Variants in ADCY5 observed in about 807,000 individuals in gnomAD.
ADCY5 encodes the protein adenylate cyclase type 5.
In ADCY5, 30 loss-of-function variants were observed where a neutral mutation model predicts 119.7. The observed-to-expected ratio is 0.25, with a 90% CI of 0.19 to 0.34. ADCY5 has a LOEUF of 0.34. ADCY5 is among the 10% of genes least tolerant of loss of function. ADCY5 has a pLI of 1.00. For missense variants in ADCY5, 1,324 were observed against 1,775.2 expected (o/e 0.75, Z 4.57); for synonymous variants, 753 against 762.2 (o/e 0.99, Z 0.20).
In ADCY5 at chr3:123,305,398, G is replaced by T. The variant is rs1253652109; in HGVS notation, c.2443-1215C>A. ...ACCACCATGTGACCACTTACTCCCA[G>T]TGGGGAGGGGAACTGGCTTGTGTGC... On this transcript the variant is annotated intron_variant, in intron 12 of 20. Transcript: ENST00000462833. 3.3e-5 allele frequency among the ~76,000 whole-genome samples: 5 copies of T among 152,328 alleles called. No individual in the cohort carries two copies. The East Asian group carries it at 7.7e-4, about 24-fold the overall frequency.
At chr3:123,308,241 G>T (rs1304650333) in intron 12 of ADCY5, among the ~76,000 whole-genome samples, 1 of 151,608 alleles carries the variant, frequency 6.6e-6, no homozygotes, top group African/African-American at 2.4e-5. Flanking sequence ...GTTTCACTGT[G>T]TTAGCCAGGA....
intron 6 of ADCY5, 32 bp downstream of exon 6, chr3:123,328,611 CG>C: frequency 6.2e-7 from 1 of 1,608,838 alleles, no homozygotes. Context: ...GAACCCAGGT[CG>C]GGGCCCCAAG....
At chr3:123,379,478 G>A (rs1943954784) in intron 1 of ADCY5, among the ~76,000 whole-genome samples, 2 of 152,174 alleles carry the variant, frequency 1.3e-5, no homozygotes, top group Admixed American at 6.5e-5. Flanking sequence ...CTCCCTGGGG[G>A]AGGAAAGCCT....
chr3:123,307,803 C>A (rs1940279667), intron 12 of ADCY5, among the ~76,000 whole-genome samples: 2 of 152,012 alleles, frequency 1.3e-5, no homozygotes, highest in Non-Finnish European at 2.9e-5. Context: ...CTAAAACTTT[C>A]TTAATAAAAG....
chr3:123,410,838 C>A (rs929728959), intron 1 of ADCY5, among the ~76,000 whole-genome samples: 3 of 152,084 alleles, frequency 2.0e-5, no homozygotes, highest in Non-Finnish European at 2.9e-5. Context: ...TGTAGAGATG[C>A]AGTCTCACTA....
intron 3 of ADCY5, among the ~76,000 whole-genome samples, chr3:123,336,686 G>A (rs1207276285): frequency 1.3e-5 from 2 of 152,186 alleles, no homozygotes; most frequent in East Asian, 1.9e-4. Flanking sequence ...GGGCTCCCCT[G>A]CACTCCAACC....
chr3:123,307,190 A>C lies in ADCY5; in HGVS notation c.2443-3007T>G, dbSNP rs531945723. On this transcript the variant is annotated intron_variant, in intron 12 of 20. Coordinates refer to ENST00000462833, the MANE Select transcript of ADCY5 (RefSeq NM_183357.3). ...TTGAATAACTTTGTGAATATACTAA[A>C]AACTAGTGTATTAAAAGTTCATTCA... Among the ~76,000 whole-genome samples the C allele has an allele frequency of 4.6e-5, 7 of 152,340 alleles. No individual in the cohort carries two copies. In the South Asian group the frequency reaches 1.5e-3, roughly 32 times the overall value.
At chr3:123,312,995 G>A (rs1253127587) in intron 12 of ADCY5, among the ~76,000 whole-genome samples, 1 of 152,202 alleles carries the variant, frequency 6.6e-6, no homozygotes, top group Non-Finnish European at 1.5e-5. Flanking sequence ...AGGAAGGAGG[G>A]TCAGTGGACA....
At chr3:123,401,530 CA>C (rs923399493) in intron 1 of ADCY5, among the ~76,000 whole-genome samples, 76 of 152,328 alleles carry the variant, frequency 5.0e-4, no homozygotes, top group African/African-American at 1.8e-3. Flanking sequence ...AGGAGCTAAG[CA>C]GGGAAGGGAG....
intron 1 of ADCY5, among the ~76,000 whole-genome samples, chr3:123,410,861 T>C (rs942166603): frequency 2.6e-5 from 4 of 152,178 alleles, no homozygotes; most frequent in Non-Finnish European, 5.9e-5. Flanking sequence ...TTGCCCAGGC[T>C]GCTCTCAATC....
At chr3:123,422,102 T>C (rs1384876882) in intron 1 of ADCY5, among the ~76,000 whole-genome samples, 2 of 152,196 alleles carry the variant, frequency 1.3e-5, no homozygotes, top group African/African-American at 4.8e-5. Context: ...CAAAAAACTG[T>C]GCAGGCACTG....
At chr3:123,303,289 C>G (rs56083622) in intron 13 of ADCY5, 70 bp from the exon 14 acceptor site, 558 of 1,512,702 alleles carry the variant, frequency 3.7e-4, no homozygotes, top group Middle Eastern at 1.3e-3. Context: ...GCCCAGCCCA[C>G]CAGGCCGCAG....
At chr3:123,320,813 A>C in intron 8 of ADCY5, 42 bp from the exon 9 acceptor site, 14 of 1,461,028 alleles carry the variant, frequency 9.6e-6, no homozygotes, top group Non-Finnish European at 1.3e-5. Context: ...GAGAATGAGA[A>C]CAGAGAGAAC....
chr3:123,299,632 C>G (rs981872159), intron 15 of ADCY5, among the ~76,000 whole-genome samples: 1 of 152,332 alleles, frequency 6.6e-6, no homozygotes, highest in African/African-American at 2.4e-5. Flanking sequence ...CAGCCAGGAG[C>G]CTTTGAGTAG....
chr3:123,361,532 C>A (rs908156767), intron 1 of ADCY5, among the ~76,000 whole-genome samples: 2 of 147,620 alleles, frequency 1.4e-5, no homozygotes, highest in African/African-American at 5.0e-5. Context: ...ACTTTCCACA[C>A]CTGTGGATTT....
At chr3:123,313,035 C>T (rs745577838) in intron 12 of ADCY5, among the ~76,000 whole-genome samples, 2 of 139,580 alleles carry the variant, frequency 1.4e-5, no homozygotes, top group Non-Finnish European at 2.9e-5. Context: ...TTAAGCCCTA[C>T]GATGCAGCCT....
intron 20 of ADCY5, among the ~76,000 whole-genome samples, chr3:123,285,030 G>A (rs1037042388): frequency 1.3e-5 from 2 of 152,212 alleles, no homozygotes; most frequent in Admixed American, 6.5e-5. Context: ...TGGACTGACT[G>A]CCCTGAGTCC....
At chr3:123,393,548 C>A in intron 1 of ADCY5, among the ~76,000 whole-genome samples, 1 of 128,900 alleles carries the variant, frequency 7.8e-6, no homozygotes, top group African/African-American at 3.6e-5. Flanking sequence ...CAGAGTGAGA[C>A]CCTGTTTCTA....
At chr3:123,435,025 C>T (rs1262749994) in intron 1 of ADCY5, among the ~76,000 whole-genome samples, 1 of 152,178 alleles carries the variant, frequency 6.6e-6, no homozygotes, top group African/African-American at 2.4e-5. Flanking sequence ...TGGCACACAC[C>T]TATAATCCCA....
Sources: gnomAD v4.1 joint callset for allele counts (sites outside exome capture counted in the v4.1 genomes callset) on GRCh38, gnomAD v4.1.1 for gene constraint, MANE v1.5 for transcripts, NCBI Gene and HGNC (gene_info 2026-07-23, HGNC 2026-07-21) for gene names.